SPEF2: variants seen among roughly 807,000 people sequenced by gnomAD.
SPEF2 encodes sperm flagellar and cilia associated 2.
Under a neutral mutation model 224.6 loss-of-function variants are expected in SPEF2, and 187 were observed. The observed-to-expected ratio is 0.83, with a 90% CI of 0.74 to 0.94. The LOEUF (loss-of-function observed/expected upper bound fraction) is 0.94. SPEF2 is among the 40% of genes least tolerant of loss of function. The pLI is 0.00. For missense variants in SPEF2, 2,170 were observed against 2,135.6 expected, an observed-to-expected ratio of 1.02 and a Z score of -0.32; for synonymous variants, 715 against 707.3, an observed-to-expected ratio of 1.01 and a Z score of -0.17.
intron 8 of SPEF2, among the ~76,000 whole-genome samples, 182 bp downstream of exon 8, chr5:35,659,389 C>A (rs1749399915): frequency 6.6e-6 from 1 of 152,188 alleles, no homozygotes; most frequent in Non-Finnish European, 1.5e-5. Flanking sequence ...GTAGCTGCTA[C>A]ATAGTACTAT....
chr5:35,798,176 C>G (rs572589794), intron 33 of SPEF2, among the ~76,000 whole-genome samples: 1 of 152,284 alleles, frequency 6.6e-6, no homozygotes, highest in South Asian at 2.1e-4. Context: ...TTGTCTTCAC[C>G]CAGCTTGCAG....
intron 30 of SPEF2, among the ~76,000 whole-genome samples, chr5:35,783,672 T>G (rs192202535): frequency 6.6e-4 from 100 of 152,306 alleles, no homozygotes; most frequent in African/African-American, 2.3e-3. Context: ...GTACACCACC[T>G]GGTAGAATTA....
chr5:35,619,360 T>C (rs749925571), intron 1 of SPEF2, among the ~76,000 whole-genome samples: 1 of 152,166 alleles, frequency 6.6e-6, no homozygotes, highest in African/African-American at 2.4e-5. Context: ...ATTGCTTAGT[T>C]TAATTTAGTT....
intron 24 of SPEF2, among the ~76,000 whole-genome samples, chr5:35,754,175 A>G (rs1750103668): frequency 6.6e-6 from 1 of 152,206 alleles, no homozygotes; most frequent in Non-Finnish European, 1.5e-5. Flanking sequence ...CCTGAAAATA[A>G]AAAGTTTTCC....
In SPEF2 at chr5:35,763,546, C is replaced by A. The variant is rs777659539; in HGVS notation, c.3645C>A (p.Ser1215=). Residue 1215 remains serine, a synonymous_variant, in exon 26 of 37, where the codon TCC becomes TCA. Coordinates refer to ENST00000356031, the MANE Select transcript of SPEF2 (RefSeq NM_024867.4). ...GAATTCCTCTAGTTCCTCGAATATC[C>A]ATTTCTCTGGAAACAGTTACACCCA... is the stretch of plus-strand genomic sequence containing the variant. ...QLRIPLVPRI[S]ISLETVTPKP... 6.3e-7 allele frequency: 1 copy of A among 1,595,150 alleles called. No individual in the cohort carries two copies. Among genetic ancestry groups the A allele is most frequent in the South Asian group, 1.2e-5 (1 of 86,810 alleles).
chr5:35,643,804 G>A (rs1369914749), intron 3 of SPEF2, among the ~76,000 whole-genome samples: 2 of 152,224 alleles, frequency 1.3e-5, no homozygotes, highest in East Asian at 1.9e-4. Flanking sequence ...CTTCACAACA[G>A]CCATAAAATA....
chr5:35,814,095 A>G (rs1030643174), intron 36 of SPEF2, among the ~76,000 whole-genome samples: 3 of 152,172 alleles, frequency 2.0e-5, no homozygotes, highest in Non-Finnish European at 4.4e-5. Flanking sequence ...ATTAGCATTT[A>G]CTTTCATAGA....
At chr5:35,757,357 A>C (rs762270389) in intron 24 of SPEF2, among the ~76,000 whole-genome samples, 2 of 152,152 alleles carry the variant, frequency 1.3e-5, no homozygotes, top group Non-Finnish European at 2.9e-5. Context: ...AATTGTATAA[A>C]AGAAGCTCTA....
chr5:35,768,075 A>G (rs1752322317), intron 26 of SPEF2, among the ~76,000 whole-genome samples: 1 of 151,932 alleles, frequency 6.6e-6, no homozygotes, highest in African/African-American at 2.4e-5. Context: ...GTATTTTGTT[A>G]GTTGTTAGTC....
chr5:35,698,241 A>G (rs1040305491), intron 15 of SPEF2: 3 of 155,080 alleles, frequency 1.9e-5, no homozygotes, highest in African/African-American at 7.2e-5. Flanking sequence ...AAGGAAGCAG[A>G]ACTGAGTAGT....
intron 11 of SPEF2, among the ~76,000 whole-genome samples, chr5:35,691,960 C>T (rs1337852283): frequency 1.3e-5 from 2 of 151,854 alleles, no homozygotes; most frequent in Non-Finnish European, 2.9e-5. Flanking sequence ...CCACTACACC[C>T]AGCTAATTTT....
chr5:35,678,700 G>A (rs16902396), intron 10 of SPEF2: 24 of 152,314 alleles, frequency 1.6e-4, no homozygotes, highest in African/African-American at 5.8e-4. Context: ...AGCCCATTCC[G>A]TGACAGCTCC....
At chr5:35,729,014 C>T (rs186404948) in intron 21 of SPEF2, among the ~76,000 whole-genome samples, 34 of 152,162 alleles carry the variant, frequency 2.2e-4, no homozygotes, top group African/African-American at 7.9e-4. Flanking sequence ...CATTCTTTAA[C>T]TCCAAAACTT....
intron 32 of SPEF2, among the ~76,000 whole-genome samples, chr5:35,794,403 T>A (rs9292613): frequency 0.53 from 80,048 of 151,184 alleles, 24,017 homozygotes; most frequent in Middle Eastern, 0.7. Flanking sequence ...TCTTTTTTTT[T>A]GAGAGAGCTC....
At chr5:35,799,024 A>G (rs2149848983) in intron 33 of SPEF2, among the ~76,000 whole-genome samples, 1 of 152,348 alleles carries the variant, frequency 6.6e-6, no homozygotes, top group Non-Finnish European at 1.5e-5. Context: ...GTTTTTGGTA[A>G]CAAATAACAT....
At chr5:35,670,032 C>A in intron 9 of SPEF2, 27 bp from the exon 10 acceptor site, 1 of 1,546,202 alleles carries the variant, frequency 6.5e-7, no homozygotes, top group Non-Finnish European at 8.8e-7. Flanking sequence ...ACCATTGATT[C>A]ATCTCTACCT....
intron 10 of SPEF2, among the ~76,000 whole-genome samples, chr5:35,673,542 A>G (rs1751476137): frequency 6.6e-6 from 1 of 152,206 alleles, no homozygotes; most frequent in Non-Finnish European, 1.5e-5. Flanking sequence ...AACCATTTTC[A>G]GAGCTCTACT....
In SPEF2 at chr5:35,705,823, TTA is replaced by T; in HGVS notation, c.2665+18_2665+19del. ...AAAGAATAAAGGTATTTACATTTGT[TTA>T]TAGTTTTGAGTTTAGGCAACTAAAA... is the stretch of plus-strand genomic sequence containing the variant. On this transcript the variant is annotated intron_variant, in intron 18 of 36. Transcript: ENST00000356031. 1 of 1,429,086 alleles carries T rather than the reference TTA, an allele frequency of 7.0e-7. No homozygotes were observed. Among genetic ancestry groups the T allele is most frequent in the Non-Finnish European group, 9.5e-7 (1 of 1,055,434 alleles). The allele number at this position is 1,429,086 out of a possible 1,614,324, so 88.5% of individuals were successfully genotyped here.
intron 26 of SPEF2, chr5:35,764,829 C>A (rs1751874064): frequency 4.9e-6 from 2 of 408,276 alleles, no homozygotes; most frequent in South Asian, 3.6e-5. Context: ...TTTGTTCTCC[C>A]CGCTTATTTC....
Sources: gnomAD v4.1 joint callset for allele counts (sites outside exome capture counted in the v4.1 genomes callset) on GRCh38, gnomAD v4.1.1 for gene constraint, MANE v1.5 for transcripts, NCBI Gene and HGNC (gene_info 2026-07-23, HGNC 2026-07-21) for gene names.